DDB1: variants seen among roughly 807,000 people sequenced by gnomAD.
DDB1 encodes the protein damage specific DNA binding protein 1, also known as DNA damage-binding protein 1.
In DDB1, 18 loss-of-function variants were observed where a neutral mutation model predicts 133.1. The observed-to-expected ratio is 0.14, with a 90% confidence interval of 0.09 to 0.20. The LOEUF is 0.20. DDB1 is among the 10% of genes least tolerant of loss of function. The pLI is 1.00. For synonymous variants in DDB1, 580 were observed against 550.5 expected, an observed-to-expected ratio of 1.05 and a Z score of -0.75; for missense variants, 828 against 1,459.2, an observed-to-expected ratio of 0.57 and a Z score of 7.05.
rs764755900 is a variant in DDB1, at chr11:61,329,402, T to C, written c.510A>G (p.Leu170=). Residue 170 remains leucine, a synonymous_variant, in exon 4 of 27, where the codon CTA becomes CTG. Coordinates refer to ENST00000301764, the MANE Select transcript of DDB1 (RefSeq NM_001923.5). ...EELHVIDVKF[L]YGCQAPTICF... is the part of the protein sequence containing the mutation. Reference sequence around the variant, plus strand: ...AAATAGTAGGTGCTTGGCAACCATATAGGAACTTGACATCAATGACATGCA... The same window carrying C: ...AAATAGTAGGTGCTTGGCAACCATACAGGAACTTGACATCAATGACATGCA... 8 of 1,614,068 alleles carry C rather than the reference T, an allele frequency of 5.0e-6. No homozygotes were observed. Among genetic ancestry groups the C allele is most frequent in the South Asian group, 4.4e-5 (4 of 91,092 alleles).
intron 4 of DDB1, 49 bp downstream of exon 4, chr11:61,329,314 C>A: frequency 6.4e-7 from 1 of 1,573,348 alleles, no homozygotes; most frequent in South Asian, 1.1e-5. Context: ...AAAACAACTC[C>A]TATCACATCA....
Position 61,323,238 on chromosome 11 carries a change from A to G in DDB1, c.922-144T>C, listed in dbSNP as rs144359164. ...GTTCTGTTTCAAATTCCCAGGTCACACTAAGCAAATGTTTCTAAATCTCTG... is the reference window on the plus strand; with the variant it reads ...GTTCTGTTTCAAATTCCCAGGTCACGCTAAGCAAATGTTTCTAAATCTCTG... On this transcript the variant is annotated intron_variant, in intron 7 of 26. Coordinates refer to ENST00000301764, the MANE Select transcript of DDB1 (RefSeq NM_001923.5). 5.2e-3 allele frequency: 3,602 copies of G among 694,208 alleles called. 14 individuals carry two copies. Among genetic ancestry groups the G allele is most frequent in the South Asian group, 6.6e-3 (407 of 61,520 alleles). The allele number at this position is 694,208 out of a possible 1,614,324, so 43.0% of individuals were successfully genotyped here.
In DDB1 at chr11:61,303,889, C is replaced by T. The variant is rs769597142; in HGVS notation, c.2808G>A (p.Lys936=). The part of the protein sequence containing the change: ...LMRSVLLLAY[K]PMEGNFEEIA... ...CCTCTTCAAAGTTTCCTTCCATGGG[C>T]TTGTAGGCAAGCAGCAGCACTGAGC... is the stretch of plus-strand genomic sequence containing the variant. The change falls in exon 22 of 27, where the codon AAG becomes AAA. Residue 936 remains lysine (K), a synonymous_variant. Transcript: ENST00000301764. 1.2e-6 allele frequency: 2 copies of T among 1,613,956 alleles called. No individual in the cohort carries two copies. Among genetic ancestry groups the T allele is most frequent in the Non-Finnish European group, 8.5e-7 (1 of 1,180,002 alleles).
chr11:61,301,024 A>G (rs1855783729), intron 25 of DDB1, 92 bp from the exon 26 acceptor site: 3 of 1,539,010 alleles, frequency 1.9e-6, no homozygotes, highest in Non-Finnish European at 2.6e-6. Flanking sequence ...TAAAGCAATC[A>G]TCAGGATTAG....
chr11:61,326,720 A>C, intron 5 of DDB1, 59 bp downstream of exon 5: 1 of 1,401,040 alleles, frequency 7.1e-7, no homozygotes, highest in Non-Finnish European at 1.0e-6. Context: ...GGGAGCGAAC[A>C]AGAACAGGGA....
At chr11:61,325,830 G>GACATCA (rs1163364696) in intron 5 of DDB1, 122 bp from the exon 6 acceptor site, 1 of 766,782 alleles carries the variant, frequency 1.3e-6, no homozygotes, top group South Asian at 1.5e-5. Context: ...TTTTAAAAAG[G>GACATCA]ACATCAAAGC....
chr11:61,328,654 T>A (rs1288895348), intron 4 of DDB1, among the ~76,000 whole-genome samples: 1 of 152,148 alleles, frequency 6.6e-6, no homozygotes. Context: ...AGGCGGATCA[T>A]GAGGTCATGA....
intron 21 of DDB1, among the ~76,000 whole-genome samples, chr11:61,307,402 C>T (rs1023954021): frequency 6.6e-6 from 1 of 152,238 alleles, no homozygotes; most frequent in Non-Finnish European, 1.5e-5. Flanking sequence ...ACCTGACCTG[C>T]CAGCAACACT....
chr11:61,329,473 G>C lies in DDB1; in HGVS notation c.439C>G (p.Arg147Gly). Residue 147 changes from arginine to glycine, a missense_variant, in exon 4 of 27, where the codon CGC becomes GGC. Around this residue, in one of 7 missense-constraint regions of DDB1, gnomAD observed 210 missense variants for 344.8 expected, o/e 0.61. Transcript: ENST00000301764. The part of the protein sequence containing the change: ...DGLFKVIPLD[R>G]DNKELKAFNI... ...AAGGCCTTGAGTTCTTTATTATCGC[G>C]ATCTAGTGGAATAACCTTGAAAAGG... 1 of 1,614,046 alleles carries C rather than the reference G, an allele frequency of 6.2e-7. No individual in the cohort carries two copies. Among genetic ancestry groups the C allele is most frequent in the Non-Finnish European group, 8.5e-7 (1 of 1,180,018 alleles).
intron 23 of DDB1, 64 bp downstream of exon 23, chr11:61,302,982 C>T: frequency 6.9e-7 from 1 of 1,457,568 alleles, no homozygotes; most frequent in South Asian, 1.2e-5. Flanking sequence ...CCAATGCTTG[C>T]ATCCACCAGA....
chr11:61,302,191 G>GT, intron 25 of DDB1, 66 bp downstream of exon 25: 1 of 1,376,926 alleles, frequency 7.3e-7, no homozygotes, highest in South Asian at 1.2e-5. Flanking sequence ...TCCGGGTAAT[G>GT]TGACTCCGTG....
intron 12 of DDB1, chr11:61,315,384 G>A (rs766657366): frequency 6.6e-6 from 1 of 152,150 alleles, no homozygotes; most frequent in East Asian, 1.9e-4. Context: ...TAATAAATAG[G>A]TGAGCTGGTG....
chr11:61,333,013 A>G lies in DDB1; in HGVS notation c.-45T>C, dbSNP rs1285173407. The G allele has an allele frequency of 6.9e-7, 1 of 1,454,136 alleles. No individual in the cohort carries two copies. The highest frequency in any genetic ancestry group is 1.3e-5 in the South Asian group (1 of 75,406). The allele number at this position is 1,454,136 out of a possible 1,614,324, so 90.1% of individuals were successfully genotyped here. On this transcript the variant is annotated 5_prime_UTR_variant, in exon 1 of 27. Transcript: ENST00000301764. ...CGTCGGGACTCGAGCGCGACACTAGAAAGAGGGACACAAGCGAAAAGACAG... is the reference window on the plus strand; with the variant it reads ...CGTCGGGACTCGAGCGCGACACTAGGAAGAGGGACACAAGCGAAAAGACAG...
chr11:61,326,643 A>T, intron 5 of DDB1, 136 bp downstream of exon 5: 1 of 762,098 alleles, frequency 1.3e-6, no homozygotes, highest in Non-Finnish European at 2.4e-6. Flanking sequence ...AAGAAAACAT[A>T]AAGGAGTGGT....
chr11:61,303,318 C>G, intron 22 of DDB1, 163 bp from the exon 23 acceptor site: 1 of 621,522 alleles, frequency 1.6e-6, no homozygotes, highest in South Asian at 1.9e-5. Context: ...CCCGACCTCT[C>G]TGCCAACGCA....
At chr11:61,309,325 A>C (rs553010972) in intron 20 of DDB1, among the ~76,000 whole-genome samples, 18 of 152,198 alleles carry the variant, frequency 1.2e-4, no homozygotes, top group Non-Finnish European at 1.9e-4. Flanking sequence ...TCTCTCTCTC[A>C]AGATGGAAAC....
rs1856186172 is a variant in DDB1 at position 61,321,921 on chromosome 11, A to G, written c.1123-224T>C. On this transcript the variant is annotated intron_variant, in intron 9 of 26. Coordinates refer to ENST00000301764, the MANE Select transcript of DDB1 (RefSeq NM_001923.5). ...GCAAAAAGCTTCTACCACTGCTCCT[A>G]GCAAGCTTGCTTAGATCGCTGGGAC... is the stretch of plus-strand genomic sequence containing the variant. The G allele has an allele frequency of 1.2e-5, 7 of 566,656 alleles. No homozygotes were observed. In the Admixed American group the frequency reaches 2.2e-4, roughly 17 times the overall value. The allele number at this position is 566,656 out of a possible 1,614,324, so 35.1% of individuals were successfully genotyped here.
chr11:61,329,816 T>C, intron 3 of DDB1, 142 bp downstream of exon 3: 3 of 799,460 alleles, frequency 3.8e-6, no homozygotes, highest in Non-Finnish European at 6.0e-6. Context: ...CAGGAGTCCT[T>C]TCTCCAAAAA....
intron 12 of DDB1, chr11:61,315,218 T>G (rs1856043708): frequency 6.6e-6 from 1 of 152,214 alleles, no homozygotes; most frequent in Non-Finnish European, 1.5e-5. Context: ...TTTAAATTAT[T>G]TAAAGTTCCT....
Sources: gnomAD v4.1 joint callset for allele counts (sites outside exome capture counted in the v4.1 genomes callset) on GRCh38, gnomAD v4.1.1 for gene constraint, gnomAD v4.1.1 regional missense constraint, MANE v1.5 for transcripts, NCBI Gene and HGNC (gene_info 2026-07-23, HGNC 2026-07-21) for gene names.